TSEN2: variants seen among roughly 807,000 people sequenced by gnomAD.
The protein encoded by TSEN2 is tRNA splicing endonuclease subunit 2, also known as tRNA-splicing endonuclease subunit Sen2.
TSEN2 carries 54 observed loss-of-function variants against 59.2 expected under a neutral mutation model. That is an observed-to-expected ratio of 0.91 (90% confidence interval 0.73 to 1.14). The LOEUF is 1.14. Among genes scored for constraint, TSEN2 ranks in the 50% most tolerant of loss-of-function variants. The pLI, the probability that TSEN2 is intolerant of heterozygous loss-of-function variation, is 0.00. For synonymous variants in TSEN2, 195 were observed against 198.2 expected (o/e 0.98, Z 0.14); for missense variants, 636 against 576.2 (o/e 1.10, Z -1.06).
chr3:12,527,085 A>G (rs1000576550), intron 8 of TSEN2, among the ~76,000 whole-genome samples: 3 of 152,254 alleles, frequency 2.0e-5, no homozygotes, highest in Admixed American at 6.5e-5. Context: ...CTTTTGTTCC[A>G]GTACATGGTT....
chr3:12,527,075 C>G (rs1452924112), intron 8 of TSEN2, among the ~76,000 whole-genome samples: 1 of 152,238 alleles, frequency 6.6e-6, no homozygotes, highest in Non-Finnish European at 1.5e-5. Flanking sequence ...CCCAAGTTCA[C>G]TTTTGTTCCA....
At chr3:12,498,287 G>T (rs560719091) in intron 4 of TSEN2, among the ~76,000 whole-genome samples, 181 of 152,172 alleles carry the variant, frequency 1.2e-3, no homozygotes, top group African/African-American at 3.2e-3. Context: ...CTATTCCTTA[G>T]TCAAGGCCCC....
intron 6 of TSEN2, among the ~76,000 whole-genome samples, chr3:12,515,476 T>C (rs1056588038): frequency 1.3e-5 from 2 of 152,228 alleles, no homozygotes; most frequent in Non-Finnish European, 2.9e-5. Context: ...TTCACCTTCA[T>C]ATTTAAAAAG....
At chr3:12,529,501 G>T (rs994343013) in intron 9 of TSEN2, among the ~76,000 whole-genome samples, 7 of 151,136 alleles carry the variant, frequency 4.6e-5, no homozygotes, top group Non-Finnish European at 8.8e-5. Context: ...TAGTATTAGT[G>T]CCTAAACAGT....
downstream of TSEN2, among the ~76,000 whole-genome samples, chr3:12,537,670 T>C (rs2125279004): frequency 6.6e-6 from 1 of 152,218 alleles, no homozygotes. Context: ...GGCCCAGGGG[T>C]TAAGGGCACA....
At chr3:12,484,052 T>C (rs1025033334), upstream of TSEN2, among the ~76,000 whole-genome samples, 6 of 152,360 alleles carry the variant, frequency 3.9e-5, no homozygotes, top group African/African-American at 1.4e-4. Context: ...CCCCGCATGC[T>C]GCAGCGTACA....
chr3:12,508,138 G>C (rs1324871514), intron 6 of TSEN2, among the ~76,000 whole-genome samples: 1 of 152,184 alleles, frequency 6.6e-6, no homozygotes, highest in African/African-American at 2.4e-5. Context: ...GGTGGCAGCT[G>C]TAGGCGAAGG....
chr3:12,531,519 T>C, intron 10 of TSEN2, 51 bp from the exon 11 acceptor site: 1 of 1,298,998 alleles, frequency 7.7e-7, no homozygotes, highest in Non-Finnish European at 1.1e-6. Context: ...TGCACCCAAA[T>C]TTGTACTATT....
chr3:12,488,887 C>A (rs964812770), intron 1 of TSEN2, among the ~76,000 whole-genome samples: 1 of 152,208 alleles, frequency 6.6e-6, no homozygotes, highest in Non-Finnish European at 1.5e-5. Flanking sequence ...CCACCACACT[C>A]GGGGTCGTCT....
At chr3:12,534,005 G>A (rs1344932017), downstream of TSEN2, among the ~76,000 whole-genome samples, 2 of 152,132 alleles carry the variant, frequency 1.3e-5, no homozygotes, top group African/African-American at 4.8e-5. Context: ...AGATGTTGGC[G>A]GGTGTGCATC....
In TSEN2 at chr3:12,492,125, CTTCCTGGAAGGGTTATTTTGG is replaced by C; in HGVS notation, c.190-10_200del. On this transcript the variant is annotated splice_acceptor_variant and splice_polypyrimidine_tract_variant and coding_sequence_variant and intron_variant, in exon 3 of 12. Coordinates refer to ENST00000284995, the MANE Select transcript of TSEN2 (RefSeq NM_025265.4). LOFTEE classifies it high-confidence loss of function. ...AGCATGAACTAACTTCATTTTCTCT[CTTCCTGGAAGGGTTATTTTGG>C]AAAAGGTATTCTTTCAAGAAGCCGT... 1 of 1,612,646 alleles carries C rather than the reference CTTCCTGGAAGGGTTATTTTGG, an allele frequency of 6.2e-7. No individual in the cohort carries two copies. The highest frequency in any genetic ancestry group is 8.5e-7 in the Non-Finnish European group (1 of 1,178,686).
Position 12,532,873 on chromosome 3 carries a change from T to A in TSEN2, c.*152T>A. ...AACTATCAGTGTTTTTAAAGATAAA[T>A]TACACAAGGGAGGAGAAAGATCCCT... On this transcript the variant is annotated 3_prime_UTR_variant, in exon 12 of 12. Coordinates refer to ENST00000284995, the MANE Select transcript of TSEN2 (RefSeq NM_025265.4). 1 of 756,850 alleles carries A rather than the reference T, an allele frequency of 1.3e-6. No homozygotes were observed. Among genetic ancestry groups the A allele is most frequent in the Non-Finnish European group, 2.2e-6 (1 of 446,244 alleles). 46.9% of individuals were successfully genotyped at this position (756,850 alleles called of 1,614,324 possible). A position where few individuals can be genotyped will look rare whatever the true frequency, so the allele number is the denominator to read the frequency against.
At chr3:12,481,940 T>G, upstream of TSEN2, among the ~76,000 whole-genome samples, 1 of 151,974 alleles carries the variant, frequency 6.6e-6, no homozygotes, top group African/African-American at 2.4e-5. Context: ...TATATATATA[T>G]ATGTAGATGC....
rs183824896 is a variant in TSEN2, at chr3:12,521,960, G to T, written c.1099+2763G>T. On this transcript the variant is annotated intron_variant, in intron 8 of 11. Transcript: ENST00000284995. The stretch of plus-strand genomic sequence containing the variant: ...CAGGAGGCGGAGCTTGCAGTGAGCC[G>T]ATTGCGCTACTGCACTCCAGCCTAG... 2.1e-3 allele frequency among the ~76,000 whole-genome samples: 315 copies of T among 152,152 alleles called. 3 individuals carry two copies. Among genetic ancestry groups the T allele is most frequent in the Non-Finnish European group, 4.4e-4 (30 of 67,986 alleles).
At chr3:12,507,675 G>A (rs2054988226) in intron 6 of TSEN2, among the ~76,000 whole-genome samples, 1 of 152,138 alleles carries the variant, frequency 6.6e-6, no homozygotes, top group African/African-American at 2.4e-5. Flanking sequence ...ATGTGACTTT[G>A]GTCTTAAAGA....
upstream of TSEN2, among the ~76,000 whole-genome samples, chr3:12,481,799 C>T (rs1249889215): frequency 6.6e-6 from 1 of 152,068 alleles, no homozygotes; most frequent in African/African-American, 2.4e-5. Context: ...TTGTATTTCT[C>T]CTGGAAACAT....
intron 1 of TSEN2, among the ~76,000 whole-genome samples, chr3:12,486,916 T>A (rs2052673917): frequency 6.6e-6 from 1 of 152,256 alleles, no homozygotes; most frequent in Admixed American, 6.5e-5. Context: ...ATAGACCACA[T>A]TTTGTTGATC....
intron 8 of TSEN2, among the ~76,000 whole-genome samples, chr3:12,526,058 A>G (rs2057054221): frequency 6.6e-6 from 1 of 151,556 alleles, no homozygotes; most frequent in Admixed American, 6.6e-5. Flanking sequence ...GAAGAAAGAG[A>G]CCAGGCATGG....
At chr3:12,502,374 A>G (rs984973158) in intron 4 of TSEN2, among the ~76,000 whole-genome samples, 6 of 151,972 alleles carry the variant, frequency 3.9e-5, no homozygotes, top group Middle Eastern at 3.4e-3. Flanking sequence ...TTTGTGTTCA[A>G]AAATACAAAA....
Sources: allele counts gnomAD v4.1 joint callset (sites outside exome capture counted in the v4.1 genomes callset), GRCh38; gene constraint gnomAD v4.1.1; transcripts MANE v1.5; gene names NCBI Gene and HGNC (gene_info 2026-07-23, HGNC 2026-07-21).